The following NAT16 variants were observed in gnomAD, a reference collection of about 807,000 sequenced individuals.
The protein encoded by NAT16 is probable N-acetyltransferase 16.
Under a neutral mutation model 15.9 loss-of-function variants are expected in NAT16, and 16 were observed. The observed-to-expected ratio is 1.01, with a 90% CI of 0.68 to 1.53. The LOEUF (loss-of-function observed/expected upper bound fraction) is 1.53, where lower values mean the gene tolerates loss of function less well. Among genes scored for constraint, NAT16 ranks in the 40% most tolerant of loss-of-function variants. The pLI is 0.00. For synonymous variants in NAT16, 260 were observed against 241.9 expected, an observed-to-expected ratio of 1.07 and a Z score of -0.69; for missense variants, 572 against 508.4, an observed-to-expected ratio of 1.13 and a Z score of -1.20.
chr7:101,179,089 C>G (rs1299319550), intron 1 of NAT16: 1 of 149,964 alleles, frequency 6.7e-6, no homozygotes, highest in Non-Finnish European at 1.5e-5. Context: ...CCACCACACC[C>G]CACACACCTG....
At chr7:101,174,023 C>A in intron 2 of NAT16, 1 of 225,330 alleles carries the variant, frequency 4.4e-6, no homozygotes, top group South Asian at 1.5e-4. Context: ...AGCCGACGCG[C>A]CCGGCCCCTT....
chr7:101,172,285 A>T lies in NAT16; in HGVS notation c.904T>A (p.Phe302Ile). ...GTWRYLNIDAFGSDGAQVQSQ... is the reference protein window; with the variant it reads ...GTWRYLNIDAIGSDGAQVQSQ... ...TGCACCTGCGCGCCGTCGCTACCGAAGGCGTCGATGTTGAGATAGCGCCAA... is the reference window on the plus strand; with the variant it reads ...TGCACCTGCGCGCCGTCGCTACCGATGGCGTCGATGTTGAGATAGCGCCAA... Residue 302 changes from phenylalanine to isoleucine, a missense_variant, in exon 4 of 4, where the codon TTC (phenylalanine) becomes ATC (isoleucine). Physicochemically the swap from Phe to Ile is conservative, Grantham distance 21 (BLOSUM62 0). Transcript: ENST00000300303. The surrounding 1 kb of genome is among the most constrained non-coding windows in gnomAD (Gnocchi z 4.2). 1 of 1,612,404 alleles carries T rather than the reference A, an allele frequency of 6.2e-7. No homozygotes were observed. The highest frequency in any genetic ancestry group is 8.5e-7 in the Non-Finnish European group (1 of 1,179,596).
chr7:101,172,172 C>A lies in NAT16; in HGVS notation c.1017G>T (p.Leu339=). 6.2e-7 allele frequency: 1 copy of A among 1,614,070 alleles called. No homozygotes were observed. The highest frequency in any genetic ancestry group is 8.5e-7 in the Non-Finnish European group (1 of 1,179,976). Residue 339 remains leucine, a synonymous_variant, in exon 4 of 4, where the codon CTG becomes CTT. Transcript: ENST00000300303. This position sits in a 1 kb window ranked among gnomAD's most constrained non-coding sequence, Gnocchi z 4.2. ...GGCAGAAGTCAGCCAGCTGTGACCA[C>A]AGCTGGGGCTCCAGGAAGAGCTGGC... The part of the protein sequence containing the change: ...VMCQLFLEPQ[L]WSQLADFCQV...
Position 101,173,521 on chromosome 7 carries a change from C to A in NAT16, c.313-1G>T. The A allele has an allele frequency of 1.9e-6, 3 of 1,587,404 alleles. No homozygotes were observed. Among genetic ancestry groups the A allele is most frequent in the Non-Finnish European group, 1.7e-6 (2 of 1,166,006 alleles). ...TCACGTTCACCGACTCCAGCGCGAT[C>A]TGCGGACCGAGGCCGTTAGCGCGGG... On this transcript the variant is annotated splice_acceptor_variant, in intron 2 of 3. Coordinates refer to ENST00000300303, the MANE Select transcript of NAT16 (RefSeq NM_198571.3). LOFTEE classifies it high-confidence loss of function.
At chr7:101,175,635 AAG>A (rs1380601723) in intron 1 of NAT16, among the ~76,000 whole-genome samples, 35 of 129,310 alleles carry the variant, frequency 2.7e-4, no homozygotes, top group Non-Finnish European at 5.2e-4. Flanking sequence ...AAAAAAAAAA[AAG>A]AAGAAGAAGG....
rs768594896 is a variant in NAT16, at chr7:101,174,547, C to T, written c.261G>A (p.Trp87Ter). 1 of 1,614,012 alleles carries T rather than the reference C, an allele frequency of 6.2e-7. No homozygotes were observed. Among genetic ancestry groups the T allele is most frequent in the South Asian group, 1.1e-5 (1 of 91,080 alleles). The change falls in exon 2 of 4, where the codon TGG (tryptophan) becomes TGA (stop). Residue 87 changes from tryptophan (W) to a stop codon, truncating the protein, a stop_gained. Transcript: ENST00000300303. LOFTEE classifies it high-confidence loss of function. ...LDYLPSRYHSWLRDPDRTVVL... is the reference protein window; with the variant it reads ...LDYLPSRYHS ...CCACCGTGCGGTCGGGGTCCCGGAG[C>T]CAGCTGTGGTAGCGGCTAGGAAGGT...
intron 1 of NAT16, among the ~76,000 whole-genome samples, chr7:101,177,042 A>G (rs1797483727): frequency 6.6e-6 from 1 of 152,202 alleles, no homozygotes; most frequent in Non-Finnish European, 1.5e-5. Flanking sequence ...AAGCTTCAAG[A>G]CAAGAGTTCT....
rs1797296920 is a variant in NAT16 at position 101,170,617 on chromosome 7, A to G, written c.*1462T>C. Reference sequence around the variant, plus strand: ...CACAGTAGCAAAACCAGAGCTGCGGAAAGTGGCGAAGCGGCGGCTGCCCCT... The same window carrying G: ...CACAGTAGCAAAACCAGAGCTGCGGGAAGTGGCGAAGCGGCGGCTGCCCCT... On this transcript the variant is annotated 3_prime_UTR_variant, in exon 4 of 4. Transcript: ENST00000300303. 1 of 152,496 alleles carries G rather than the reference A, an allele frequency of 6.6e-6. No homozygotes were observed. The highest frequency in any genetic ancestry group is 2.4e-5 in the African/African-American group (1 of 41,438). 9.4% of individuals were successfully genotyped at this position (152,496 alleles called of 1,614,324 possible).
In NAT16 at chr7:101,170,853, C is replaced by T. The variant is rs1050145959; in HGVS notation, c.*1226G>A. Reference sequence around the variant, plus strand: ...CACCCGGGTTCTATTCGCTGGGAGGCTCCTAGCTACTTTGAATGACTTAGA... The same window carrying T: ...CACCCGGGTTCTATTCGCTGGGAGGTTCCTAGCTACTTTGAATGACTTAGA... On this transcript the variant is annotated 3_prime_UTR_variant, in exon 4 of 4. Coordinates refer to ENST00000300303, the MANE Select transcript of NAT16 (RefSeq NM_198571.3). The T allele has an allele frequency of 6.6e-6, 1 of 152,260 alleles. No individual in the cohort carries two copies. The highest frequency in any genetic ancestry group is 1.5e-5 in the Non-Finnish European group (1 of 68,072). 9.4% of individuals were successfully genotyped at this position (152,260 alleles called of 1,614,324 possible). A position where few individuals can be genotyped will look rare whatever the true frequency, so the allele number is the denominator to read the frequency against.
At chr7:101,175,224 G>A (rs1797439837) in intron 1 of NAT16, among the ~76,000 whole-genome samples, 1 of 151,944 alleles carries the variant, frequency 6.6e-6, no homozygotes, top group Admixed American at 6.6e-5. Context: ...CAAAGTGCTG[G>A]GATTACAGGT....
Position 101,171,738 on chromosome 7 carries a change from T to G in NAT16, c.*341A>C. Reference sequence around the variant, plus strand: ...GGGGGAGTTCACGCCCCGGGTGAGGTGATGGAGAGGGAAGGAAGGACTCTG... The same window carrying G: ...GGGGGAGTTCACGCCCCGGGTGAGGGGATGGAGAGGGAAGGAAGGACTCTG... On this transcript the variant is annotated 3_prime_UTR_variant, in exon 4 of 4. Transcript: ENST00000300303. 8 of 219,150 alleles carry G rather than the reference T, an allele frequency of 3.7e-5. No homozygotes were observed. The highest frequency in any genetic ancestry group is 9.8e-5 in the South Asian group (1 of 10,196). The allele number at this position is 219,150 out of a possible 1,614,324, so 13.6% of individuals were successfully genotyped here. A position where few individuals can be genotyped will look rare whatever the true frequency, so the allele number is the denominator to read the frequency against.
chr7:101,177,240 C>T (rs1427980924), intron 1 of NAT16, among the ~76,000 whole-genome samples: 5 of 152,180 alleles, frequency 3.3e-5, no homozygotes, highest in African/African-American at 4.8e-5. Context: ...GAGCCTTGCC[C>T]GAGGTGACTC....
chr7:101,173,213 C>G, intron 3 of NAT16, 83 bp downstream of exon 3: 1 of 1,251,306 alleles, frequency 8.0e-7, no homozygotes, highest in East Asian at 2.3e-5. Flanking sequence ...GAGAGCAAGC[C>G]CGTGTTCTGC....
At chr7:101,176,461 A>G (rs2116732209) in intron 1 of NAT16, among the ~76,000 whole-genome samples, 1 of 150,182 alleles carries the variant, frequency 6.7e-6, no homozygotes, top group Middle Eastern at 3.4e-3. Flanking sequence ...AGGTTGAGCC[A>G]CTGCACTCCA....
At position 101,174,794 on chromosome 7, in the gene NAT16, G is replaced by T. The variant is rs767752008; in HGVS notation, c.14C>A (p.Ala5Asp). The part of the protein sequence containing the change: MKLE[A>D]SCGTATSEVP... ...CTCTGAGGTGGCTGTGCCACAGCTG[G>T]CTTCCAGCTTCATGACCCTGCAGAA... is the stretch of plus-strand genomic sequence containing the variant. The change falls in exon 2 of 4, where the codon GCC becomes GAC. Residue 5 changes from alanine (A) to aspartate (D), a missense_variant. Coordinates refer to ENST00000300303, the MANE Select transcript of NAT16 (RefSeq NM_198571.3). 1.7e-5 allele frequency: 27 copies of T among 1,572,534 alleles called. No homozygotes were observed. Among genetic ancestry groups the T allele is most frequent in the Non-Finnish European group, 2.2e-5 (26 of 1,161,522 alleles).
At chr7:101,173,649 T>A in intron 2 of NAT16, 129 bp from the exon 3 acceptor site, 1 of 788,230 alleles carries the variant, frequency 1.3e-6, no homozygotes, top group Non-Finnish European at 1.9e-6. Context: ...AGGCCAGGCC[T>A]GGGGTAGCAC....
intron 1 of NAT16, among the ~76,000 whole-genome samples, chr7:101,178,936 T>C (rs991655504): frequency 1.1e-4 from 16 of 150,074 alleles, no homozygotes; most frequent in African/African-American, 3.9e-4. Flanking sequence ...TCTCTTCATG[T>C]CTATCCCCAC....
At chr7:101,176,965 G>A (rs1270254740) in intron 1 of NAT16, among the ~76,000 whole-genome samples, 1 of 152,110 alleles carries the variant, frequency 6.6e-6, no homozygotes, top group Admixed American at 6.5e-5. Flanking sequence ...GTGGGACCAA[G>A]GAGTGGTTTG....
Position 101,171,852 on chromosome 7 carries a change from C to G in NAT16, c.*227G>C. 3 of 529,638 alleles carry G rather than the reference C, an allele frequency of 5.7e-6. No individual in the cohort carries two copies. The highest frequency in any genetic ancestry group is 9.9e-6 in the Non-Finnish European group (3 of 302,256). 32.8% of individuals were successfully genotyped at this position (529,638 alleles called of 1,614,324 possible). On this transcript the variant is annotated 3_prime_UTR_variant, in exon 4 of 4. Transcript: ENST00000300303. ...CACCCCCAGCCCCCACCTAATAGTCCGCAAGTTCAGGTCAGGGAGTGGGCA... is the reference window on the plus strand; with the variant it reads ...CACCCCCAGCCCCCACCTAATAGTCGGCAAGTTCAGGTCAGGGAGTGGGCA...
Sources: allele counts gnomAD v4.1 joint callset (sites outside exome capture counted in the v4.1 genomes callset), GRCh38; gene constraint gnomAD v4.1.1; non-coding constraint Gnocchi (gnomAD v3.1); transcripts MANE v1.5; gene names NCBI Gene and HGNC (gene_info 2026-07-23, HGNC 2026-07-21).